RBFOX1: variants seen among roughly 807,000 people sequenced by gnomAD.
The protein encoded by RBFOX1 is RNA binding fox-1 homolog 1, also known as RNA binding protein fox-1 homolog 1.
Under a neutral mutation model 57.7 loss-of-function variants are expected in RBFOX1, and 8 were observed. The ratio of observed to expected loss-of-function variants is 0.14; its 90% CI spans 0.08 to 0.25. The LOEUF (loss-of-function observed/expected upper bound fraction) is 0.25, where lower values mean the gene tolerates loss of function less well. RBFOX1 is among the 10% of genes least tolerant of loss of function. RBFOX1 has a pLI of 1.00. For missense variants in RBFOX1, 611 were observed against 548.5 expected (o/e 1.11, Z -1.14); for synonymous variants, 326 against 222.4 (o/e 1.47, Z -4.15).
intron 2 of RBFOX1, among the ~76,000 whole-genome samples, chr16:5,557,842 C>T (rs1001279083): frequency 5.3e-5 from 8 of 152,202 alleles, no homozygotes; most frequent in African/African-American, 1.4e-4. Flanking sequence ...CTGCCATGCC[C>T]CTCGTCCTGG....
At chr16:6,537,607 T>C (rs927870685) in intron 2 of RBFOX1, among the ~76,000 whole-genome samples, 1 of 152,212 alleles carries the variant, frequency 6.6e-6, no homozygotes, top group Non-Finnish European at 1.5e-5. Context: ...GTACTGCTCA[T>C]GGACTGTTGC....
chr16:6,908,987 C>T (rs1008788975), intron 3 of RBFOX1, among the ~76,000 whole-genome samples: 1 of 152,182 alleles, frequency 6.6e-6, no homozygotes, highest in Non-Finnish European at 1.5e-5. Flanking sequence ...CGTTCTTCTG[C>T]TTCTGAACAT....
At chr16:7,663,482 C>T (rs999727471) in intron 12 of RBFOX1, among the ~76,000 whole-genome samples, 1 of 150,002 alleles carries the variant, frequency 6.7e-6, no homozygotes, top group African/African-American at 2.5e-5. Context: ...AGTGTCACAG[C>T]TGCGTGTGTG....
At chr16:7,582,712 T>C in intron 6 of RBFOX1, among the ~76,000 whole-genome samples, 1 of 152,340 alleles carries the variant, frequency 6.6e-6, no homozygotes, top group South Asian at 2.1e-4. Flanking sequence ...ATGAGACATC[T>C]TCTTTCCTTT....
intron 2 of RBFOX1, among the ~76,000 whole-genome samples, chr16:6,601,541 A>G (rs12596261): frequency 0.14 from 20,550 of 152,064 alleles, 1,527 homozygotes; most frequent in East Asian, 0.21. Flanking sequence ...ATAGTTTTGC[A>G]AGCACCCTAT....
At chr16:7,709,433 G>C in intron 15 of RBFOX1, 1 of 1,339,654 alleles carries the variant, frequency 7.5e-7, no homozygotes, top group Non-Finnish European at 9.8e-7. Context: ...ACAGAATGCA[G>C]TGTCAATGCA....
At chr16:5,506,109 A>C (rs2043368484) in intron 2 of RBFOX1, among the ~76,000 whole-genome samples, 1 of 152,120 alleles carries the variant, frequency 6.6e-6, no homozygotes, top group African/African-American at 2.4e-5. Context: ...ACACTGCCTC[A>C]CACACCTCCT....
chr16:5,268,264 A>G (rs2062912436), intron 1 of RBFOX1, among the ~76,000 whole-genome samples: 1 of 152,184 alleles, frequency 6.6e-6, no homozygotes, highest in Non-Finnish European at 1.5e-5. Context: ...TACAAGTGCA[A>G]TTTGTGTTAA....
intron 4 of RBFOX1, among the ~76,000 whole-genome samples, chr16:7,426,528 A>C (rs983139005): frequency 9.2e-5 from 14 of 152,292 alleles, no homozygotes; most frequent in African/African-American, 3.4e-4. Flanking sequence ...TGCAGCTAGG[A>C]AAATTAGGAA....
chr16:5,309,140 A>G (rs28450963), intron 1 of RBFOX1, among the ~76,000 whole-genome samples: 5,391 of 152,310 alleles, frequency 0.035, 180 homozygotes, highest in African/African-American at 0.083. Flanking sequence ...TAATTCTTGC[A>G]GATCCCTGAC....
At chr16:6,940,730 T>A (rs2078236841) in intron 3 of RBFOX1, among the ~76,000 whole-genome samples, 1 of 151,172 alleles carries the variant, frequency 6.6e-6, no homozygotes, top group Admixed American at 6.6e-5. Flanking sequence ...CCCGAGTAGC[T>A]GGGACTACAG....
intron 2 of RBFOX1, among the ~76,000 whole-genome samples, chr16:5,552,767 A>G (rs1224143910): frequency 1.3e-5 from 2 of 152,118 alleles, no homozygotes; most frequent in Non-Finnish European, 2.9e-5. Flanking sequence ...TGCTCTGATC[A>G]CAGTCAGATA....
At chr16:7,240,205 G>C (rs897915700) in intron 4 of RBFOX1, among the ~76,000 whole-genome samples, 6 of 152,278 alleles carry the variant, frequency 3.9e-5, no homozygotes, top group African/African-American at 7.2e-5. Context: ...GACCTCAGGT[G>C]ATCCTCCCGC....
chr16:5,568,006 A>G, intron 2 of RBFOX1, among the ~76,000 whole-genome samples: 1 of 152,116 alleles, frequency 6.6e-6, no homozygotes, highest in Non-Finnish European at 1.5e-5. Context: ...AAAACTCTGA[A>G]CTGATCTGCT....
intron 3 of RBFOX1, among the ~76,000 whole-genome samples, chr16:5,787,964 G>A (rs2054563097): frequency 6.6e-6 from 1 of 152,210 alleles, no homozygotes; most frequent in Non-Finnish European, 1.5e-5. Context: ...GCTCCAGACT[G>A]TTCAATTCTG....
intron 3 of RBFOX1, among the ~76,000 whole-genome samples, chr16:6,754,302 C>G (rs527944054): frequency 1.3e-5 from 2 of 152,150 alleles, no homozygotes; most frequent in Admixed American, 6.5e-5. Context: ...ACTCAATATC[C>G]TCAATCCAAA....
At chr16:5,705,522 C>T (rs776539156) in intron 3 of RBFOX1, among the ~76,000 whole-genome samples, 1 of 152,202 alleles carries the variant, frequency 6.6e-6, no homozygotes, top group Non-Finnish European at 1.5e-5. Flanking sequence ...AGCTTTTAAA[C>T]ACCTCTGTAA....
intron 4 of RBFOX1, among the ~76,000 whole-genome samples, chr16:7,406,433 C>G (rs889686090): frequency 2.6e-5 from 4 of 152,102 alleles, no homozygotes; most frequent in African/African-American, 9.7e-5. Context: ...TCATCCAGTC[C>G]CTTCCTTTTA....
At chr16:6,748,436 G>A (rs1367118752) in intron 3 of RBFOX1, among the ~76,000 whole-genome samples, 2 of 152,124 alleles carry the variant, frequency 1.3e-5, no homozygotes, top group African/African-American at 4.8e-5. Context: ...CGAGGCAGGA[G>A]GATTGCATAA....
Sources: gnomAD v4.1 joint callset for allele counts (sites outside exome capture counted in the v4.1 genomes callset) on GRCh38, gnomAD v4.1.1 for gene constraint, MANE v1.5 for transcripts, NCBI Gene and HGNC (gene_info 2026-07-23, HGNC 2026-07-21) for gene names.